Variants in PDE1C observed in about 807,000 individuals in gnomAD.
The protein encoded by PDE1C is dual specificity calcium/calmodulin-dependent 3',5'-cyclic nucleotide phosphodiesterase 1C.
PDE1C carries 62 observed loss-of-function variants against 93.1 expected under a neutral mutation model. The ratio of observed to expected loss-of-function variants is 0.67; its 90% CI spans 0.54 to 0.82. PDE1C has a LOEUF of 0.82. Ranked by LOEUF, PDE1C falls within the 40% of genes least tolerant of loss-of-function variation. The pLI is 0.00. For synonymous variants in PDE1C, 325 were observed against 310.1 expected, an observed-to-expected ratio of 1.05 and a Z score of -0.50; for missense variants, 742 against 884.6, an observed-to-expected ratio of 0.84 and a Z score of 2.04.
At chr7:32,166,171 T>A (rs926041146) in intron 3 of PDE1C, among the ~76,000 whole-genome samples, 1 of 152,134 alleles carries the variant, frequency 6.6e-6, no homozygotes, top group Non-Finnish European at 1.5e-5. Flanking sequence ...ATTTTATTTG[T>A]CAATTATACC....
chr7:31,677,768 A>T, the PDE1C span, among the ~76,000 whole-genome samples: 1 of 152,150 alleles, frequency 6.6e-6, no homozygotes. Context: ...GCAATTAAGC[A>T]TTGCTATCAT....
intron 2 of PDE1C, among the ~76,000 whole-genome samples, chr7:32,206,865 A>G (rs967317963): frequency 3.9e-5 from 6 of 152,178 alleles, no homozygotes; most frequent in African/African-American, 9.6e-5. Flanking sequence ...CACTCAAGTC[A>G]AGGTCAGTCT....
At chr7:31,634,050 G>A in the PDE1C span, among the ~76,000 whole-genome samples, 1 of 152,142 alleles carries the variant, frequency 6.6e-6, no homozygotes, top group South Asian at 2.1e-4. Context: ...CCATTCCAAA[G>A]GTCCTTTGGC....
intron 2 of PDE1C, among the ~76,000 whole-genome samples, chr7:31,891,041 TC>T (rs1403878017): frequency 6.6e-6 from 1 of 152,164 alleles, no homozygotes; most frequent in African/African-American, 2.4e-5. Flanking sequence ...CTCCTGTGAC[TC>T]AGAACTCTAA....
At chr7:31,881,860 T>C (rs749569785) in intron 2 of PDE1C, among the ~76,000 whole-genome samples, 5 of 152,244 alleles carry the variant, frequency 3.3e-5, no homozygotes, top group Non-Finnish European at 7.3e-5. Context: ...GCAATCGTTA[T>C]AGCTATTGTC....
chr7:31,686,989 G>A, the PDE1C span: 1 of 152,248 alleles, frequency 6.6e-6, no homozygotes, highest in African/African-American at 2.4e-5. Context: ...ATTCAATGAT[G>A]TAGCTGGTTT....
chr7:32,165,162 C>A (rs1284427453), intron 3 of PDE1C, among the ~76,000 whole-genome samples: 1 of 152,196 alleles, frequency 6.6e-6, no homozygotes, highest in Admixed American at 6.5e-5. Context: ...CCACAAAACC[C>A]ATGTTTGATC....
At chr7:32,364,669 C>T (rs1784195975) in intron 1 of PDE1C, among the ~76,000 whole-genome samples, 2 of 152,246 alleles carry the variant, frequency 1.3e-5, no homozygotes, top group Admixed American at 6.5e-5. Flanking sequence ...GTGCACTCCC[C>T]ACCCACTACT....
At chr7:31,651,147 A>G in the PDE1C span, 2 of 1,612,954 alleles carry the variant, frequency 1.2e-6, no homozygotes, top group African/African-American at 1.3e-5. Flanking sequence ...CTCAGTGCAC[A>G]GTCCATGAGA....
chr7:32,370,116 T>C (rs1562693968), intron 1 of PDE1C, among the ~76,000 whole-genome samples: 1 of 151,916 alleles, frequency 6.6e-6, no homozygotes, highest in African/African-American at 2.4e-5. Flanking sequence ...ATTAAGAAAA[T>C]GTGGCACAAT....
At chr7:32,257,209 T>C (rs1027388469) in intron 1 of PDE1C, among the ~76,000 whole-genome samples, 5 of 152,048 alleles carry the variant, frequency 3.3e-5, no homozygotes, top group African/African-American at 1.2e-4. Flanking sequence ...TTGAAGAAGT[T>C]AGACAGAGAA....
intron 17 of PDE1C, among the ~76,000 whole-genome samples, chr7:31,767,304 C>A (rs949410890): frequency 6.6e-6 from 1 of 152,068 alleles, no homozygotes; most frequent in Non-Finnish European, 1.5e-5. Context: ...TTGTAAACTC[C>A]AATGTTGGAG....
At chr7:31,658,907 G>C in the PDE1C span, among the ~76,000 whole-genome samples, 1 of 152,126 alleles carries the variant, frequency 6.6e-6, no homozygotes, top group African/African-American at 2.4e-5. Flanking sequence ...CCAAAACTCA[G>C]AGCCAAACCT....
intron 14 of PDE1C, among the ~76,000 whole-genome samples, chr7:31,819,056 C>T (rs1188687267): frequency 6.6e-6 from 1 of 152,080 alleles, no homozygotes; most frequent in Non-Finnish European, 1.5e-5. Flanking sequence ...TTCAAGTTTA[C>T]ATGAATGAAT....
chr7:31,991,706 A>C (rs1044177564), intron 2 of PDE1C, among the ~76,000 whole-genome samples: 3 of 152,164 alleles, frequency 2.0e-5, no homozygotes, highest in African/African-American at 7.2e-5. Flanking sequence ...TGAAGAATTA[A>C]ATAAAGTATG....
At chr7:31,899,263 C>G (rs1190793466) in intron 2 of PDE1C, among the ~76,000 whole-genome samples, 1 of 151,678 alleles carries the variant, frequency 6.6e-6, no homozygotes, top group Non-Finnish European at 1.5e-5. Flanking sequence ...GTCAGTCTCC[C>G]GAGTAGCTGG....
At chr7:31,803,689 T>C (rs1786396495) in intron 16 of PDE1C, among the ~76,000 whole-genome samples, 2 of 152,004 alleles carry the variant, frequency 1.3e-5, no homozygotes, top group South Asian at 2.1e-4. Flanking sequence ...AGAATGATGG[T>C]TTCCAGTTTC....
intron 2 of PDE1C, among the ~76,000 whole-genome samples, chr7:31,890,509 G>A (rs1016003612): frequency 3.9e-5 from 6 of 152,142 alleles, no homozygotes; most frequent in African/African-American, 7.2e-5. Context: ...ACCCGGTCCC[G>A]TGACTCCTTT....
chr7:32,304,604 G>A (rs765850895), intron 1 of PDE1C, among the ~76,000 whole-genome samples: 2 of 151,368 alleles, frequency 1.3e-5, no homozygotes, highest in Admixed American at 6.6e-5. Flanking sequence ...CTCAAAACAC[G>A]GCTCCACGGC....
Sources: allele counts gnomAD v4.1 joint callset (sites outside exome capture counted in the v4.1 genomes callset), GRCh38; gene constraint gnomAD v4.1.1; transcripts MANE v1.5; gene names NCBI Gene and HGNC (gene_info 2026-07-23, HGNC 2026-07-21).